PHLPP1: variants seen among roughly 807,000 people sequenced by gnomAD.
PHLPP1 encodes PH domain and leucine rich repeat protein phosphatase 1.
PHLPP1 carries 42 observed loss-of-function variants against 117.2 expected under a neutral mutation model. That is an observed-to-expected ratio of 0.36 (90% CI 0.28 to 0.46). The LOEUF (loss-of-function observed/expected upper bound fraction) is 0.46, where lower values mean the gene tolerates loss of function less well. Ranked by LOEUF, PHLPP1 falls within the 20% of genes least tolerant of loss-of-function variation. The pLI is 1.00. For synonymous variants in PHLPP1, 1,042 were observed against 970.7 expected (o/e 1.07, Z -1.37); for missense variants, 2,084 against 2,241.9 (o/e 0.93, Z 1.42).
chr18:62,750,412 G>A (rs1911809943), intron 1 of PHLPP1, among the ~76,000 whole-genome samples: 2 of 151,938 alleles, frequency 1.3e-5, no homozygotes, highest in African/African-American at 2.4e-5. Flanking sequence ...ACACAATAGG[G>A]CACCTGCGGA....
intron 1 of PHLPP1, among the ~76,000 whole-genome samples, chr18:62,821,949 A>G (rs1475608029): frequency 2.6e-5 from 4 of 152,046 alleles, no homozygotes; most frequent in Non-Finnish European, 2.9e-5. Context: ...TTTTTTAATT[A>G]GCCGAGCATG....
rs1449615823 is a variant in PHLPP1 at position 62,830,246 on chromosome 18, T to C, written c.1773+15T>C. ...TTGGTGGAAAAGTAAGTTTGTTTGTTTGTTTGTTTATTGAGTCAGAGTCTC... is the reference window on the plus strand; with the variant it reads ...TTGGTGGAAAAGTAAGTTTGTTTGTCTGTTTGTTTATTGAGTCAGAGTCTC... On this transcript the variant is annotated intron_variant, in intron 2 of 16. Transcript: ENST00000262719. The C allele has an allele frequency of 6.5e-7, 1 of 1,547,362 alleles. No individual in the cohort carries two copies. The highest frequency in any genetic ancestry group is 1.2e-5 in the South Asian group (1 of 83,512).
At chr18:62,797,875 G>A (rs1913670927) in intron 1 of PHLPP1, among the ~76,000 whole-genome samples, 1 of 152,104 alleles carries the variant, frequency 6.6e-6, no homozygotes, top group African/African-American at 2.4e-5. Context: ...CTATAAGACT[G>A]ACCATGATTT....
intron 1 of PHLPP1, among the ~76,000 whole-genome samples, chr18:62,788,557 GTTTTTTTGTT>G (rs1407345072): frequency 6.7e-6 from 1 of 150,366 alleles, no homozygotes; most frequent in Non-Finnish European, 1.5e-5. Context: ...TAGTAAGAGG[GTTTTTTTGTT>G]TTTTTTTGTT....
chr18:62,860,682 C>G, intron 4 of PHLPP1, 81 bp downstream of exon 4: 1 of 1,176,416 alleles, frequency 8.5e-7, no homozygotes, highest in South Asian at 1.6e-5. Flanking sequence ...TGAATATTCT[C>G]ATGAAAAAAG....
intron 2 of PHLPP1, among the ~76,000 whole-genome samples, chr18:62,837,402 C>T (rs1357671858): frequency 1.3e-5 from 2 of 152,044 alleles, no homozygotes; most frequent in Non-Finnish European, 2.9e-5. Context: ...TAATCTCTGG[C>T]GAATCTGTAG....
At chr18:62,748,642 A>G (rs1911750578) in intron 1 of PHLPP1, among the ~76,000 whole-genome samples, 1 of 151,984 alleles carries the variant, frequency 6.6e-6, no homozygotes, top group Admixed American at 6.5e-5. Context: ...TTTAGTGGCT[A>G]TTTTGCTTGA....
intron 4 of PHLPP1, among the ~76,000 whole-genome samples, chr18:62,888,430 G>T (rs1345795393): frequency 1.3e-5 from 2 of 151,760 alleles, no homozygotes; most frequent in African/African-American, 4.8e-5. Flanking sequence ...GCCAAGCGTG[G>T]TCACTCACAC....
In PHLPP1 at chr18:62,838,638, C is replaced by G. The variant is rs768885437; in HGVS notation, c.1774-146C>G. On this transcript the variant is annotated intron_variant, in intron 2 of 16. Coordinates refer to ENST00000262719, the MANE Select transcript of PHLPP1 (RefSeq NM_194449.4). ...GTAATTCAAATTGGGTGATCATATG[C>G]AGGAACTTAGTTCTCATTAATGAGT... 6 of 651,000 alleles carry G rather than the reference C, an allele frequency of 9.2e-6. 1 individual carries two copies. In the East Asian group the frequency reaches 1.4e-4, roughly 15 times the overall value. 40.3% of individuals were successfully genotyped at this position (651,000 alleles called of 1,614,324 possible). A position where few individuals can be genotyped will look rare whatever the true frequency, so the allele number is the denominator to read the frequency against.
intron 10 of PHLPP1, among the ~76,000 whole-genome samples, chr18:62,922,309 G>C (rs945343542): frequency 6.6e-6 from 1 of 152,086 alleles, no homozygotes; most frequent in African/African-American, 2.4e-5. Flanking sequence ...GCTAATTTTT[G>C]TAATTTTAGT....
intron 1 of PHLPP1, among the ~76,000 whole-genome samples, chr18:62,823,360 T>G (rs1914520466): frequency 6.6e-6 from 1 of 151,940 alleles, no homozygotes; most frequent in African/African-American, 2.4e-5. Flanking sequence ...GTGCAGGAAT[T>G]CGAGACCAGC....
chr18:62,966,068 G>GC (rs753633024), intron 14 of PHLPP1, among the ~76,000 whole-genome samples: 2 of 152,038 alleles, frequency 1.3e-5, no homozygotes, highest in East Asian at 3.9e-4. Flanking sequence ...GCCTGGCTTT[G>GC]CACCTGGGTT....
intron 8 of PHLPP1, among the ~76,000 whole-genome samples, chr18:62,914,287 G>T (rs184034537): frequency 1.3e-5 from 2 of 152,068 alleles, no homozygotes; most frequent in African/African-American, 4.8e-5. Flanking sequence ...CATTGACTTC[G>T]TGTGTTTTTA....
chr18:62,867,752 A>G (rs954285643), intron 4 of PHLPP1, among the ~76,000 whole-genome samples: 1 of 151,966 alleles, frequency 6.6e-6, no homozygotes. Flanking sequence ...TGCCACGGCG[A>G]TGCATGCCAA....
chr18:62,866,083 G>A (rs747812065), intron 4 of PHLPP1, among the ~76,000 whole-genome samples: 1 of 152,130 alleles, frequency 6.6e-6, no homozygotes, highest in South Asian at 2.1e-4. Context: ...TAAAGTTGGG[G>A]TCTATGGGGA....
chr18:62,861,909 T>C (rs1377139036), intron 4 of PHLPP1, among the ~76,000 whole-genome samples: 2 of 152,224 alleles, frequency 1.3e-5, no homozygotes, highest in Non-Finnish European at 2.9e-5. Flanking sequence ...GTAAGATCCA[T>C]TGATCTGACT....
chr18:62,786,193 T>C (rs1382316087), intron 1 of PHLPP1, among the ~76,000 whole-genome samples: 1 of 152,228 alleles, frequency 6.6e-6, no homozygotes, highest in Non-Finnish European at 1.5e-5. Flanking sequence ...TTTTAAAGTG[T>C]TCCTTGCAGT....
At chr18:62,800,311 C>G (rs9951621) in intron 1 of PHLPP1, among the ~76,000 whole-genome samples, 31,335 of 152,002 alleles carry the variant, frequency 0.21, 4,660 homozygotes, top group African/African-American at 0.43. Flanking sequence ...GAATGTTCTT[C>G]GTTTGCGTTA....
chr18:62,957,600 TTGTTTGTTTGTTTGTTTTC>T (rs1416395260), intron 12 of PHLPP1, among the ~76,000 whole-genome samples: 2 of 151,072 alleles, frequency 1.3e-5, no homozygotes, highest in East Asian at 1.9e-4. Context: ...TCTTTGTTTT[TTGTTTGTTTGTTTGTTTTC>T]TGTTTTGTTT....
Sources: gnomAD v4.1 joint callset for allele counts (sites outside exome capture counted in the v4.1 genomes callset) on GRCh38, gnomAD v4.1.1 for gene constraint, MANE v1.5 for transcripts, NCBI Gene and HGNC (gene_info 2026-07-23, HGNC 2026-07-21) for gene names.